MEF2C: variants seen among roughly 807,000 people sequenced by gnomAD.
The protein encoded by MEF2C is myocyte enhancer factor 2C.
Under a neutral mutation model 50.5 loss-of-function variants are expected in MEF2C, and 6 were observed. The ratio of observed to expected loss-of-function variants is 0.12; its 90% CI spans 0.07 to 0.23. The LOEUF is 0.23. MEF2C is among the 10% of genes least tolerant of loss of function. MEF2C has a pLI of 1.00. For synonymous variants in MEF2C, 183 were observed against 228.0 expected (o/e 0.80, Z 1.78); for missense variants, 276 against 605.0 (o/e 0.46, Z 5.70).
chr5:88,745,834 A>C (rs568257465), intron 6 of MEF2C, among the ~76,000 whole-genome samples: 1 of 152,204 alleles, frequency 6.6e-6, no homozygotes, highest in Admixed American at 6.5e-5. Context: ...ACATACAAAC[A>C]CACAGTATGG....
At chr5:88,865,438 G>A (rs1044917070) in intron 1 of MEF2C, among the ~76,000 whole-genome samples, 2 of 152,010 alleles carry the variant, frequency 1.3e-5, no homozygotes, top group East Asian at 1.9e-4. Flanking sequence ...TAGCTACATC[G>A]CAATCTTCTT....
intron 6 of MEF2C, chr5:88,743,843 T>A (rs2457979): frequency 0.56 from 551,754 of 978,554 alleles, 158,616 homozygotes; most frequent in East Asian, 0.59. Flanking sequence ...ACAATTAACA[T>A]TCAAAATAAG....
chr5:88,823,244 T>C (rs1345693024), intron 2 of MEF2C, among the ~76,000 whole-genome samples: 2 of 152,002 alleles, frequency 1.3e-5, no homozygotes, highest in East Asian at 3.9e-4. Flanking sequence ...TTCTTTGTTG[T>C]TGTTGTCAGC....
chr5:88,739,184 G>A (rs1472739483), intron 6 of MEF2C: 2 of 975,376 alleles, frequency 2.1e-6, no homozygotes, highest in African/African-American at 1.8e-5. Flanking sequence ...ATATATAAAT[G>A]TATAAAAATA....
Position 88,720,830 on chromosome 5 carries a change from G to C in MEF2C, c.*1774C>G, listed in dbSNP as rs1756096408. 1.3e-5 allele frequency: 2 copies of C among 152,402 alleles called. No individual in the cohort carries two copies. Among genetic ancestry groups the C allele is most frequent in the Admixed American group, 1.3e-4 (2 of 15,264 alleles). The allele number at this position is 152,402 out of a possible 1,614,324, so 9.4% of individuals were successfully genotyped here. ...AAAGGGACATAGAGAGGTTCTTTATGGGATTTCTTGAAATGGCTATTAAAT... is the reference window on the plus strand; with the variant it reads ...AAAGGGACATAGAGAGGTTCTTTATCGGATTTCTTGAAATGGCTATTAAAT... On this transcript the variant is annotated 3_prime_UTR_variant, in exon 11 of 11. Coordinates refer to ENST00000504921, the MANE Select transcript of MEF2C (RefSeq NM_002397.5).
intron 6 of MEF2C, chr5:88,737,524 G>A (rs1233387596): frequency 2.0e-6 from 2 of 985,208 alleles, no homozygotes; most frequent in African/African-American, 1.7e-5. Context: ...ACAGGTTGTC[G>A]TTATATCAAG....
chr5:88,818,468 G>A (rs1361148928), intron 2 of MEF2C, among the ~76,000 whole-genome samples: 2 of 152,012 alleles, frequency 1.3e-5, no homozygotes, highest in East Asian at 1.9e-4. Flanking sequence ...AAATGCCGAC[G>A]GAGAGACTGA....
At chr5:88,812,990 C>T (rs930797823) in intron 2 of MEF2C, among the ~76,000 whole-genome samples, 2 of 152,084 alleles carry the variant, frequency 1.3e-5, no homozygotes, top group African/African-American at 2.4e-5. Flanking sequence ...TAATGCATAA[C>T]ATTTTAATTA....
At chr5:88,859,181 T>C (rs770823557) in intron 1 of MEF2C, among the ~76,000 whole-genome samples, 20 of 152,304 alleles carry the variant, frequency 1.3e-4, no homozygotes, top group Non-Finnish European at 2.9e-4. Flanking sequence ...ATAACAAGCA[T>C]TTAAAAAACT....
intron 1 of MEF2C, among the ~76,000 whole-genome samples, chr5:88,898,173 C>T (rs1835303745): frequency 6.6e-6 from 1 of 151,852 alleles, no homozygotes; most frequent in African/African-American, 2.4e-5. Context: ...GAGAACCTTT[C>T]AAGATAGTAA....
chr5:88,821,513 T>G (rs1301371311), intron 2 of MEF2C, among the ~76,000 whole-genome samples: 2 of 151,898 alleles, frequency 1.3e-5, no homozygotes, highest in African/African-American at 4.8e-5. Context: ...GATCTGCATC[T>G]CAAAGTGTTG....
At chr5:88,779,048 GA>G (rs1164247352) in intron 3 of MEF2C, among the ~76,000 whole-genome samples, 2 of 152,172 alleles carry the variant, frequency 1.3e-5, no homozygotes, top group Non-Finnish European at 2.9e-5. Flanking sequence ...TGGACTTTTG[GA>G]AAATTGAAAC....
intron 3 of MEF2C, among the ~76,000 whole-genome samples, chr5:88,801,999 A>G (rs908308390): frequency 6.6e-6 from 1 of 152,218 alleles, no homozygotes; most frequent in African/African-American, 2.4e-5. Flanking sequence ...TGAAGAATGC[A>G]TAATTCAGGG....
chr5:88,746,625 T>G, intron 6 of MEF2C: 1 of 985,466 alleles, frequency 1.0e-6, no homozygotes, highest in Non-Finnish European at 1.2e-6. Flanking sequence ...GCTTTGGTTT[T>G]CTTCTCTGAA....
intron 1 of MEF2C, among the ~76,000 whole-genome samples, chr5:88,859,252 T>A (rs1317216082): frequency 2.6e-5 from 4 of 152,330 alleles, no homozygotes; most frequent in Non-Finnish European, 5.9e-5. Context: ...AATTTTGGGA[T>A]GCAAATTATT....
intron 2 of MEF2C, among the ~76,000 whole-genome samples, chr5:88,818,189 T>C (rs1475469698): frequency 6.6e-6 from 1 of 151,930 alleles, no homozygotes; most frequent in Non-Finnish European, 1.5e-5. Flanking sequence ...TATTAAAACA[T>C]CACTGTGCAC....
At chr5:88,736,749 T>C (rs1764290942) in intron 6 of MEF2C, 1 of 985,292 alleles carries the variant, frequency 1.0e-6, no homozygotes, top group Non-Finnish European at 1.2e-6. Context: ...GTTGAGTCAG[T>C]GCCCTGCCTG....
intron 4 of MEF2C, among the ~76,000 whole-genome samples, chr5:88,755,451 T>C (rs545835605): frequency 1.3e-5 from 2 of 152,312 alleles, no homozygotes; most frequent in African/African-American, 4.8e-5. Context: ...AGAAATAAAA[T>C]ACTGTAGTCA....
At chr5:88,849,304 T>G (rs1820449617) in intron 1 of MEF2C, among the ~76,000 whole-genome samples, 1 of 152,192 alleles carries the variant, frequency 6.6e-6, no homozygotes, top group Non-Finnish European at 1.5e-5. Context: ...TTCACATATC[T>G]AAGAGCCAGC....
Sources: gnomAD v4.1 joint callset for allele counts (sites outside exome capture counted in the v4.1 genomes callset) on GRCh38, gnomAD v4.1.1 for gene constraint, MANE v1.5 for transcripts, NCBI Gene and HGNC (gene_info 2026-07-23, HGNC 2026-07-21) for gene names.